PDE4D: variants seen among roughly 807,000 people sequenced by gnomAD.
PDE4D encodes phosphodiesterase 4D, also known as 3',5'-cyclic-AMP phosphodiesterase 4D.
Under a neutral mutation model 87.4 loss-of-function variants are expected in PDE4D, and 24 were observed. The observed-to-expected ratio is 0.27, with a 90% confidence interval of 0.20 to 0.39. PDE4D has a LOEUF of 0.39. PDE4D is among the 10% of genes least tolerant of loss of function. The pLI is 1.00. For synonymous variants in PDE4D, 384 were observed against 383.2 expected (o/e 1.00, Z -0.02); for missense variants, 714 against 1,041.0 (o/e 0.69, Z 4.32).
intron 1 of PDE4D, among the ~76,000 whole-genome samples, chr5:60,342,298 G>A (rs13160580): frequency 0.24 from 36,461 of 151,950 alleles, 5,511 homozygotes; most frequent in Non-Finnish European, 0.33. Context: ...TTCCCTTTAC[G>A]CTTTATTGTT....
At chr5:59,995,978 T>C (rs1188817506) in intron 2 of PDE4D, among the ~76,000 whole-genome samples, 1 of 152,208 alleles carries the variant, frequency 6.6e-6, no homozygotes, top group African/African-American at 2.4e-5. Context: ...TTACTAGCAA[T>C]GTAGTATTTG....
intron 2 of PDE4D, among the ~76,000 whole-genome samples, chr5:60,005,631 T>C (rs1205407971): frequency 6.6e-6 from 1 of 152,040 alleles, no homozygotes; most frequent in African/African-American, 2.4e-5. Flanking sequence ...TTATTTATTA[T>C]TTATACCTTA....
At chr5:59,081,732 T>C (rs1766812373) in intron 5 of PDE4D, among the ~76,000 whole-genome samples, 1 of 152,162 alleles carries the variant, frequency 6.6e-6, no homozygotes, top group South Asian at 2.1e-4. Flanking sequence ...GATATTGCTA[T>C]AATGGTCCTC....
chr5:59,890,542 T>C (rs944562016), intron 1 of PDE4D, among the ~76,000 whole-genome samples: 2 of 152,230 alleles, frequency 1.3e-5, no homozygotes, highest in African/African-American at 4.8e-5. Context: ...ATTTAAACCA[T>C]ATCTCATTTT....
chr5:59,264,763 T>C (rs1228417154), intron 1 of PDE4D, among the ~76,000 whole-genome samples: 1 of 152,034 alleles, frequency 6.6e-6, no homozygotes, highest in East Asian at 1.9e-4. Context: ...ATAGTAGATA[T>C]CAGAGACAGG....
At chr5:59,190,936 A>C (rs1744163609) in intron 3 of PDE4D, among the ~76,000 whole-genome samples, 1 of 152,194 alleles carries the variant, frequency 6.6e-6, no homozygotes, top group Non-Finnish European at 1.5e-5. Flanking sequence ...CTTAAAAAAA[A>C]TCGGCAGCCT....
At chr5:59,594,127 AT>A (rs1826303695) in intron 1 of PDE4D, among the ~76,000 whole-genome samples, 1 of 142,338 alleles carries the variant, frequency 7.0e-6, no homozygotes, top group Non-Finnish European at 1.5e-5. Flanking sequence ...CACGTTAGCC[AT>A]TCTCTCTCAC....
intron 1 of PDE4D, among the ~76,000 whole-genome samples, chr5:59,227,403 C>G (rs1754036121): frequency 6.9e-6 from 1 of 144,160 alleles, no homozygotes; most frequent in South Asian, 2.2e-4. Flanking sequence ...CTTAATTAAA[C>G]TAAAGAGCTT....
At position 60,370,395 on chromosome 5, in the gene PDE4D, A is replaced by C. The variant is rs760316836; in HGVS notation, c.-90+117547T>G. 2.6e-5 allele frequency among the ~76,000 whole-genome samples: 4 copies of C among 152,358 alleles called. No individual in the cohort carries two copies. The South Asian group carries it at 8.3e-4, about 32-fold the overall frequency. On this transcript the variant is annotated intron_variant, in intron 1 of 16. Transcript: ENST00000502484. ...TAACAACATATCATCGACTACATTC[A>C]ACAGAATCTCTGGAACTAAGGAAAA... is the stretch of plus-strand genomic sequence containing the variant.
At chr5:60,449,081 A>G (rs1166337909) in intron 1 of PDE4D, among the ~76,000 whole-genome samples, 1 of 132,386 alleles carries the variant, frequency 7.6e-6, no homozygotes, top group Non-Finnish European at 1.6e-5. Flanking sequence ...GCACACACAC[A>G]CACACACACA....
intron 1 of PDE4D, among the ~76,000 whole-genome samples, chr5:59,685,981 C>T (rs1221820961): frequency 6.6e-6 from 1 of 152,044 alleles, no homozygotes; most frequent in Non-Finnish European, 1.5e-5. Flanking sequence ...TGACATTCAT[C>T]GCAGCTTAGA....
At chr5:60,403,672 T>G (rs1360983973) in intron 1 of PDE4D, among the ~76,000 whole-genome samples, 7 of 152,188 alleles carry the variant, frequency 4.6e-5, no homozygotes, top group Non-Finnish European at 7.4e-5. Flanking sequence ...GTTAAGTAAA[T>G]GCCCAAAGTC....
intron 1 of PDE4D, among the ~76,000 whole-genome samples, chr5:59,356,053 G>A (rs1781324171): frequency 6.6e-6 from 1 of 152,014 alleles, no homozygotes; most frequent in Non-Finnish European, 1.5e-5. Flanking sequence ...AAACAGAAAA[G>A]GTTTTCTTTC....
At chr5:60,106,423 C>G (rs1157625352) in intron 2 of PDE4D, among the ~76,000 whole-genome samples, 1 of 151,634 alleles carries the variant, frequency 6.6e-6, no homozygotes, top group African/African-American at 2.4e-5. Context: ...ACTTTAACAC[C>G]CCACTGTCAA....
intron 11 of PDE4D, among the ~76,000 whole-genome samples, chr5:58,985,146 C>A (rs753482748): frequency 1.3e-5 from 2 of 152,070 alleles, no homozygotes; most frequent in Non-Finnish European, 2.9e-5. Flanking sequence ...GAACTCCTGA[C>A]GTCAGTGATT....
rs577209484 is a variant in PDE4D at position 59,795,974 on chromosome 5, G to T, written c.455+97194C>A. ...AGAAGACGGCTATCCAAGGAGAGAG[G>T]CCTGGAACAAATCCTTGCCTCACGG... On this transcript the variant is annotated intron_variant, in intron 1 of 14. Coordinates refer to ENST00000340635, the MANE Select transcript of PDE4D (RefSeq NM_001104631.2). 1.2e-4 allele frequency among the ~76,000 whole-genome samples: 18 copies of T among 152,286 alleles called. No individual in the cohort carries two copies. The South Asian group carries it at 3.7e-3, about 32-fold the overall frequency.
At chr5:59,401,209 C>A (rs1034930683) in intron 1 of PDE4D, among the ~76,000 whole-genome samples, 1 of 152,144 alleles carries the variant, frequency 6.6e-6, no homozygotes. Context: ...CTTTGGGTGG[C>A]CAAGGCAGGA....
intron 1 of PDE4D, among the ~76,000 whole-genome samples, chr5:59,310,968 G>A (rs1772467729): frequency 6.6e-6 from 1 of 152,196 alleles, no homozygotes; most frequent in African/African-American, 2.4e-5. Context: ...TGGAGAATGG[G>A]AATTTGAGAG....
chr5:59,379,463 C>T (rs1284589867), intron 1 of PDE4D, among the ~76,000 whole-genome samples: 1 of 151,766 alleles, frequency 6.6e-6, no homozygotes, highest in Non-Finnish European at 1.5e-5. Context: ...AAATCTGGCT[C>T]ATTTTCTTTA....
Sources: allele counts gnomAD v4.1 joint callset (sites outside exome capture counted in the v4.1 genomes callset), GRCh38; gene constraint gnomAD v4.1.1; transcripts MANE v1.5; gene names NCBI Gene and HGNC (gene_info 2026-07-23, HGNC 2026-07-21).